Variants in ARHGAP5 observed in about 807,000 individuals in gnomAD.
ARHGAP5 encodes the protein Rho GTPase activating protein 5, also known as rho GTPase-activating protein 5.
Under a neutral mutation model 116.6 loss-of-function variants are expected in ARHGAP5, and 23 were observed. That is an observed-to-expected ratio of 0.20 (90% CI 0.14 to 0.28). The LOEUF (loss-of-function observed/expected upper bound fraction) is 0.28. Among genes scored for constraint, ARHGAP5 ranks in the 10% least tolerant of loss-of-function variants. The pLI, the probability that ARHGAP5 is intolerant of heterozygous loss-of-function variation, is 1.00. For synonymous variants in ARHGAP5, 574 were observed against 602.0 expected, an observed-to-expected ratio of 0.95 and a Z score of 0.68; for missense variants, 1,405 against 1,774.8, an observed-to-expected ratio of 0.79 and a Z score of 3.74.
chr14:32,104,615 TAA>T (rs1026404660), intron 2 of ARHGAP5, among the ~76,000 whole-genome samples: 2 of 152,208 alleles, frequency 1.3e-5, no homozygotes, highest in African/African-American at 4.8e-5. Context: ...ACCAGTGTGT[TAA>T]ACTATAATGT....
At chr14:32,144,390 G>A (rs1317223565) in intron 3 of ARHGAP5, among the ~76,000 whole-genome samples, 1 of 151,482 alleles carries the variant, frequency 6.6e-6, no homozygotes, top group East Asian at 1.9e-4. Flanking sequence ...TATTATTTTG[G>A]TCATCTTTAT....
intron 1 of ARHGAP5, among the ~76,000 whole-genome samples, chr14:32,081,548 C>CAAAAAAA (rs529516365): frequency 4.1e-5 from 2 of 48,880 alleles, no homozygotes. Context: ...GACTCCTTCT[C>CAAAAAAA]AAAAAAAAAA....
chr14:32,104,048 A>G (rs1878903764), intron 2 of ARHGAP5, among the ~76,000 whole-genome samples: 1 of 152,216 alleles, frequency 6.6e-6, no homozygotes, highest in Non-Finnish European at 1.5e-5. Context: ...TTCCCTAGAA[A>G]AATGCACATG....
chr14:32,136,149 A>G lies in ARHGAP5; in HGVS notation c.3866-10114A>G, dbSNP rs1208343067. The stretch of plus-strand genomic sequence containing the variant: ...TTTTTTGAGGTAAAATTTATATAAC[A>G]TAAGGTTAACCATTTTAAAGTATAT... On this transcript the variant is annotated intron_variant, in intron 3 of 6. Transcript: ENST00000345122. Among the ~76,000 whole-genome samples the G allele has an allele frequency of 2.6e-5, 4 of 152,334 alleles. No individual in the cohort carries two copies. In the South Asian group the frequency reaches 8.3e-4, roughly 32 times the overall value.
In ARHGAP5 at chr14:32,093,606, T is replaced by C. The variant is rs144832681; in HGVS notation, c.2937T>C (p.Pro979=). 12 of 1,613,778 alleles carry C rather than the reference T, an allele frequency of 7.4e-6. No individual in the cohort carries two copies. Among genetic ancestry groups the C allele is most frequent in the Non-Finnish European group, 1.0e-5 (12 of 1,179,922 alleles). ...PRDCFPYNNY[P]DSDDDTEAPP... is the part of the protein sequence containing the mutation. The stretch of plus-strand genomic sequence containing the variant: ...ACTGTTTTCCCTATAATAACTACCC[T>C]GATTCAGATGATGACACAGAAGCAC... The change falls in exon 2 of 7, where the codon CCT becomes CCC. Residue 979 remains proline (P), a synonymous_variant. Coordinates refer to ENST00000345122, the MANE Select transcript of ARHGAP5 (RefSeq NM_001030055.2).
intron 5 of ARHGAP5, among the ~76,000 whole-genome samples, chr14:32,152,037 G>A (rs1881658171): frequency 6.6e-6 from 1 of 152,174 alleles, no homozygotes; most frequent in South Asian, 2.1e-4. Flanking sequence ...TGAGGAGTTG[G>A]ATAAGGGAAA....
In ARHGAP5 at chr14:32,158,965, C is replaced by G. The variant is rs1882007136; in HGVS notation, c.*4017C>G. 1 of 152,018 alleles carries G rather than the reference C, an allele frequency of 6.6e-6. No individual in the cohort carries two copies. The highest frequency in any genetic ancestry group is 2.1e-4 in the South Asian group (1 of 4,834). 9.4% of individuals were successfully genotyped at this position (152,018 alleles called of 1,614,324 possible). A position where few individuals can be genotyped will look rare whatever the true frequency, so the allele number is the denominator to read the frequency against. On this transcript the variant is annotated 3_prime_UTR_variant, in exon 7 of 7. Coordinates refer to ENST00000345122, the MANE Select transcript of ARHGAP5 (RefSeq NM_001030055.2). ...CCTCATCATTGTCCTATTTGCATGACTCCATTTTTTCCTCCACTATATGAG... is the reference window on the plus strand; with the variant it reads ...CCTCATCATTGTCCTATTTGCATGAGTCCATTTTTTCCTCCACTATATGAG...
At chr14:32,152,105 C>G (rs901729207) in intron 5 of ARHGAP5, among the ~76,000 whole-genome samples, 2 of 152,066 alleles carry the variant, frequency 1.3e-5, no homozygotes, top group Admixed American at 1.3e-4. Flanking sequence ...GGAGTGGGAA[C>G]CCTATTGTGA....
At chr14:32,102,794 TTAAC>T (rs1412364240) in intron 2 of ARHGAP5, among the ~76,000 whole-genome samples, 1 of 152,212 alleles carries the variant, frequency 6.6e-6, no homozygotes, top group African/African-American at 2.4e-5. Context: ...GTTCATGTGT[TTAAC>T]TACAATTTAT....
chr14:32,132,025 A>T (rs1201897782), intron 3 of ARHGAP5, among the ~76,000 whole-genome samples: 1 of 152,202 alleles, frequency 6.6e-6, no homozygotes, highest in East Asian at 1.9e-4. Flanking sequence ...TGCTATTGTG[A>T]ATAGTGCCGC....
At position 32,091,856 on chromosome 14, in the gene ARHGAP5, A is replaced by G; in HGVS notation, c.1187A>G (p.Asn396Ser). ...WDETDHIDKI[N>S]DRRIPFDLLS... The stretch of plus-strand genomic sequence containing the variant: ...GAAACTGACCATATAGACAAAATTA[A>G]TGATAGGCGGATTCCATTTGACCTC... Residue 396 changes from asparagine to serine, a missense_variant, in exon 2 of 7, where the codon AAT becomes AGT. By Grantham distance (46) the Asn-to-Ser change is conservative. This residue lies in a region of ARHGAP5 where 944 missense variants were observed against 1,095.3 expected (regional missense o/e 0.86). Coordinates refer to ENST00000345122, the MANE Select transcript of ARHGAP5 (RefSeq NM_001030055.2). 1 of 1,613,514 alleles carries G rather than the reference A, an allele frequency of 6.2e-7. No individual in the cohort carries two copies. The highest frequency in any genetic ancestry group is 2.2e-5 in the East Asian group (1 of 44,864).
chr14:32,087,490 CTT>C (rs756495863), intron 1 of ARHGAP5, among the ~76,000 whole-genome samples: 1 of 126,142 alleles, frequency 7.9e-6, no homozygotes. Flanking sequence ...CCCTCCCCCG[CTT>C]TTTTTTTTTT....
In ARHGAP5 at chr14:32,091,249, G is replaced by A. The variant is rs1334835468; in HGVS notation, c.580G>A (p.Val194Ile). The A allele has an allele frequency of 1.7e-5, 28 of 1,612,300 alleles. No individual in the cohort carries two copies. The Admixed American group carries it at 3.3e-4, about 19-fold the overall frequency. ...CCAGTTATCAAAATCAAAAAAACCT[G>A]TAATAATAGCAGCAACTAAATGTGA... ...FVQLSKSKKP[V>I]IIAATKCDEC... The change falls in exon 2 of 7, where the codon GTA becomes ATA. Residue 194 changes from valine to isoleucine, a missense_variant. Val to Ile is a conservative substitution (Grantham distance 29). Coordinates refer to ENST00000345122, the MANE Select transcript of ARHGAP5 (RefSeq NM_001030055.2).
At chr14:32,144,496 A>AT (rs1359045164) in intron 3 of ARHGAP5, among the ~76,000 whole-genome samples, 1 of 151,338 alleles carries the variant, frequency 6.6e-6, no homozygotes, top group Non-Finnish European at 1.5e-5. Context: ...TTATTTATTT[A>AT]TTTTTGAGAA....
chr14:32,113,427 C>T (rs1423514919), intron 2 of ARHGAP5, among the ~76,000 whole-genome samples: 3 of 152,182 alleles, frequency 2.0e-5, no homozygotes, highest in African/African-American at 7.2e-5. Flanking sequence ...ACTGTCAGAG[C>T]AGTTCTTTAT....
intron 2 of ARHGAP5, among the ~76,000 whole-genome samples, chr14:32,103,328 A>G (rs1465357242): frequency 6.6e-6 from 1 of 152,180 alleles, no homozygotes; most frequent in Non-Finnish European, 1.5e-5. Context: ...ATGTAATTAG[A>G]TGGTTAATTT....
intron 1 of ARHGAP5, among the ~76,000 whole-genome samples, chr14:32,083,014 C>T (rs2138998618): frequency 6.6e-6 from 1 of 152,368 alleles, no homozygotes; most frequent in African/African-American, 2.4e-5. Flanking sequence ...AGGGTCATAA[C>T]TTATATGTTC....
At chr14:32,131,009 C>T (rs906011631) in intron 3 of ARHGAP5, among the ~76,000 whole-genome samples, 33 of 152,182 alleles carry the variant, frequency 2.2e-4, no homozygotes, top group Middle Eastern at 3.2e-3. Context: ...CAGTTAAAAA[C>T]GGCATGACAC....
At position 32,092,567 on chromosome 14, in the gene ARHGAP5, A is replaced by C; in HGVS notation, c.1898A>C (p.Asp633Ala). 6.2e-7 allele frequency: 1 copy of C among 1,613,764 alleles called. No individual in the cohort carries two copies. ...YALDGKIYEL[D>A]LRPVDAKSPY... is the part of the protein sequence containing the mutation. ...TTAGATGGAAAAATTTATGAACTTG[A>C]TCTTCGGCCGGTTGATGCCAAATCG... is the stretch of plus-strand genomic sequence containing the variant. The change falls in exon 2 of 7, where the codon GAT (aspartate) becomes GCT (alanine). Residue 633 changes from aspartate (D) to alanine (A), a missense_variant. This residue lies in a region of ARHGAP5 where 944 missense variants were observed against 1,095.3 expected (regional missense o/e 0.86). Coordinates refer to ENST00000345122, the MANE Select transcript of ARHGAP5 (RefSeq NM_001030055.2). This position sits in a 1 kb window ranked among gnomAD's most constrained non-coding sequence, Gnocchi z 4.1.
Sources: gnomAD v4.1 joint callset for allele counts (sites outside exome capture counted in the v4.1 genomes callset) on GRCh38, gnomAD v4.1.1 for gene constraint, gnomAD v4.1.1 regional missense constraint, Gnocchi (gnomAD v3.1) non-coding constraint, MANE v1.5 for transcripts, NCBI Gene and HGNC (gene_info 2026-07-23, HGNC 2026-07-21) for gene names.